EPG5: variants seen among roughly 807,000 people sequenced by gnomAD.
The protein encoded by EPG5 is ectopic P granules protein 5 homolog.
EPG5 carries 159 observed loss-of-function variants against 302.7 expected under a neutral mutation model. That is an observed-to-expected ratio of 0.53 (90% CI 0.46 to 0.60). EPG5 has a LOEUF of 0.60. Among genes scored for constraint, EPG5 ranks in the 20% least tolerant of loss-of-function variants. The pLI is 0.00. For missense variants in EPG5, 2,896 were observed against 3,092.4 expected (o/e 0.94, Z 1.51); for synonymous variants, 1,158 against 1,136.8 (o/e 1.02, Z -0.37).
chr18:45,848,411 T>G lies in EPG5; in HGVS notation c.*4056A>C, dbSNP rs908310697. 6.6e-6 allele frequency: 1 copy of G among 152,250 alleles called. No individual in the cohort carries two copies. Among genetic ancestry groups the G allele is most frequent in the Non-Finnish European group, 1.5e-5 (1 of 68,048 alleles). The allele number at this position is 152,250 out of a possible 1,614,324, so 9.4% of individuals were successfully genotyped here. ...ATCTGTCTTGGGCAACAACTGATATTAAGCTGAGGTCTGCAGTCTCAACTT... is the reference window on the plus strand; with the variant it reads ...ATCTGTCTTGGGCAACAACTGATATGAAGCTGAGGTCTGCAGTCTCAACTT... On this transcript the variant is annotated 3_prime_UTR_variant, in exon 44 of 44. Transcript: ENST00000282041.
At chr18:45,876,825 C>G (rs901577148) in intron 34 of EPG5, among the ~76,000 whole-genome samples, 3 of 151,822 alleles carry the variant, frequency 2.0e-5, no homozygotes, top group Non-Finnish European at 1.5e-5. Context: ...TCTCTGCCAC[C>G]CAGGCTACAG....
At chr18:45,827,688 G>T in the EPG5 span, among the ~76,000 whole-genome samples, 1 of 152,222 alleles carries the variant, frequency 6.6e-6, no homozygotes, top group African/African-American at 2.4e-5. Flanking sequence ...AAGGCCCCCA[G>T]CACAGCTCCT....
At chr18:45,813,082 A>C in the EPG5 span, among the ~76,000 whole-genome samples, 3 of 152,214 alleles carry the variant, frequency 2.0e-5, no homozygotes, top group African/African-American at 7.2e-5. Flanking sequence ...AGAAAAAAAC[A>C]ACCCCATCAA....
rs770087060 is a variant in EPG5 at position 45,934,947 on chromosome 18, TA to T, written c.2118del (p.Phe706LeufsTer62). On this transcript the variant is annotated frameshift_variant, in exon 11 of 44. Transcript: ENST00000282041. LOFTEE classifies it high-confidence loss of function. Reference protein sequence around the residue: ...LKAKRLGIWLFMSEMPFGTLS... With the variant: ...LKAKRLGIWLXMSEMPFGTLS... ...AGAGTCCCAAAGGGCATCTCGGACA[TA>T]AACAGCCAAATGCCAAGTCTGCATG... 6 of 1,612,200 alleles carry T rather than the reference TA, an allele frequency of 3.7e-6. No homozygotes were observed. Among genetic ancestry groups the T allele is most frequent in the Non-Finnish European group, 5.1e-6 (6 of 1,179,476 alleles).
At chr18:45,931,161 C>T (rs2050387856) in intron 11 of EPG5, among the ~76,000 whole-genome samples, 1 of 152,216 alleles carries the variant, frequency 6.6e-6, no homozygotes, top group Non-Finnish European at 1.5e-5. Flanking sequence ...GCTGCTGTCA[C>T]CAGGCAGTCA....
At chr18:45,885,173 T>C (rs1274722793) in intron 29 of EPG5, among the ~76,000 whole-genome samples, 1 of 152,054 alleles carries the variant, frequency 6.6e-6, no homozygotes, top group African/African-American at 2.4e-5. Flanking sequence ...ACCCCGTCTC[T>C]ACTAAAAATA....
chr18:45,929,145 T>A, intron 12 of EPG5, 136 bp from the exon 13 acceptor site: 1 of 916,842 alleles, frequency 1.1e-6, no homozygotes, highest in Non-Finnish European at 1.6e-6. Flanking sequence ...CCAAAAAATG[T>A]TAAAACTTCA....
At chr18:45,829,952 T>A in the EPG5 span, among the ~76,000 whole-genome samples, 1 of 152,176 alleles carries the variant, frequency 6.6e-6, no homozygotes, top group Non-Finnish European at 1.5e-5. Context: ...CTCTGGCCAT[T>A]ATTCCACCAC....
At chr18:45,815,161 C>T in the EPG5 span, among the ~76,000 whole-genome samples, 1 of 152,130 alleles carries the variant, frequency 6.6e-6, no homozygotes, top group African/African-American at 2.4e-5. Flanking sequence ...GTTTTCTCAT[C>T]AGTAAAAATG....
At chr18:45,904,427 C>A (rs990516668) in intron 24 of EPG5, among the ~76,000 whole-genome samples, 2 of 151,890 alleles carry the variant, frequency 1.3e-5, no homozygotes, top group Non-Finnish European at 2.9e-5. Context: ...TAAAAAATAG[C>A]AAATGTTAAA....
intron 13 of EPG5, among the ~76,000 whole-genome samples, chr18:45,926,613 G>C (rs1020028855): frequency 2.6e-5 from 4 of 152,014 alleles, no homozygotes; most frequent in Admixed American, 2.6e-4. Flanking sequence ...GATCACCTGA[G>C]GTCAGGAGTT....
intron 1 of EPG5, among the ~76,000 whole-genome samples, chr18:45,963,674 G>A (rs933426734): frequency 6.6e-6 from 1 of 152,148 alleles, no homozygotes; most frequent in Non-Finnish European, 1.5e-5. Context: ...GTTGGGATTG[G>A]TGGTAGAACT....
intron 38 of EPG5, among the ~76,000 whole-genome samples, chr18:45,866,183 G>A (rs8086163): frequency 0.018 from 2,745 of 149,506 alleles, 90 homozygotes; most frequent in African/African-American, 0.064. Flanking sequence ...GCAGTGGTGC[G>A]ATCTCGGCTC....
the EPG5 span, among the ~76,000 whole-genome samples, chr18:45,836,306 A>G: frequency 2.0e-5 from 3 of 152,268 alleles, no homozygotes; most frequent in African/African-American, 2.4e-5. Context: ...GTCACATGAC[A>G]TGGTATCTAT....
At chr18:45,956,605 T>A (rs1436712772) in intron 1 of EPG5, among the ~76,000 whole-genome samples, 1 of 151,996 alleles carries the variant, frequency 6.6e-6, no homozygotes, top group Non-Finnish European at 1.5e-5. Context: ...TACAGGCACC[T>A]GACTAATTTT....
chr18:45,816,135 C>G, the EPG5 span, among the ~76,000 whole-genome samples: 1 of 152,166 alleles, frequency 6.6e-6, no homozygotes, highest in Non-Finnish European at 1.5e-5. Context: ...ACACAAAAAT[C>G]AACTCAAGAT....
At position 45,848,931 on chromosome 18, in the gene EPG5, A is replaced by T. The variant is rs2048389917; in HGVS notation, c.*3536T>A. 1 of 152,230 alleles carries T rather than the reference A, an allele frequency of 6.6e-6. No individual in the cohort carries two copies. The highest frequency in any genetic ancestry group is 2.4e-5 in the African/African-American group (1 of 41,442). 9.4% of individuals were successfully genotyped at this position (152,230 alleles called of 1,614,324 possible). Reference sequence around the variant, plus strand: ...TGAAACCCTGTCTCTACTAAAAAATACAAAAATTAGCCGGGCGTGGTGGCA... The same window carrying T: ...TGAAACCCTGTCTCTACTAAAAAATTCAAAAATTAGCCGGGCGTGGTGGCA... On this transcript the variant is annotated 3_prime_UTR_variant, in exon 44 of 44. Transcript: ENST00000282041.
At chr18:45,840,146 G>A in the EPG5 span, 2 of 1,583,182 alleles carry the variant, frequency 1.3e-6, no homozygotes, top group Non-Finnish European at 8.6e-7. Context: ...ATGGGTGGGG[G>A]TGGGCGCACA....
rs1399391628 is a variant in EPG5 at position 45,852,508 on chromosome 18, A to G, written c.7699T>C (p.Cys2567Arg). 6.2e-7 allele frequency: 1 copy of G among 1,614,262 alleles called. No homozygotes were observed. The highest frequency in any genetic ancestry group is 2.2e-5 in the East Asian group (1 of 44,892). Residue 2567 changes from cysteine to arginine, a missense_variant, in exon 44 of 44, where the codon TGT becomes CGT. Physicochemically the swap from Cys to Arg is radical, Grantham distance 180. Around this residue, in one of 5 missense-constraint regions of EPG5, gnomAD observed 620 missense variants for 704.2 expected, o/e 0.88. Coordinates refer to ENST00000282041, the MANE Select transcript of EPG5 (RefSeq NM_020964.3). The stretch of plus-strand genomic sequence containing the variant: ...AAATAATGCACTTCTGGATACAGAC[A>G]GTTAACGAGAAGAGCCAAGAAGCTT... Reference protein sequence around the residue: ...GKSFLALLVNCLYPEVHYLDH... With the variant: ...GKSFLALLVNRLYPEVHYLDH...
Sources: allele counts gnomAD v4.1 joint callset (sites outside exome capture counted in the v4.1 genomes callset), GRCh38; gene constraint gnomAD v4.1.1; regional missense constraint gnomAD v4.1.1; transcripts MANE v1.5; gene names NCBI Gene and HGNC (gene_info 2026-07-23, HGNC 2026-07-21).